SV2C: variants seen among roughly 807,000 people sequenced by gnomAD.
The protein encoded by SV2C is solute carrier family 22 member B3.
SV2C carries 49 observed loss-of-function variants against 79.7 expected under a neutral mutation model. The ratio of observed to expected loss-of-function variants is 0.61; its 90% CI spans 0.49 to 0.78. The LOEUF (loss-of-function observed/expected upper bound fraction) is 0.78. Among genes scored for constraint, SV2C ranks in the 30% least tolerant of loss-of-function variants. The pLI is 0.00. For synonymous variants in SV2C, 334 were observed against 333.2 expected (o/e 1.00, Z -0.03); for missense variants, 833 against 912.9 (o/e 0.91, Z 1.13).
intron 1 of SV2C, among the ~76,000 whole-genome samples, chr5:76,090,024 C>T (rs532685144): frequency 8.5e-5 from 13 of 152,190 alleles, no homozygotes; most frequent in African/African-American, 3.1e-4. Context: ...TATAAAATTC[C>T]ACTTTGTTTT....
the SV2C span, among the ~76,000 whole-genome samples, chr5:75,900,956 C>T: frequency 6.6e-6 from 1 of 152,204 alleles, no homozygotes; most frequent in Non-Finnish European, 1.5e-5. Context: ...AAGCACTTTT[C>T]TGTATTGGTT....
the SV2C span, among the ~76,000 whole-genome samples, chr5:75,869,455 C>T: frequency 6.6e-6 from 1 of 152,176 alleles, no homozygotes; most frequent in Non-Finnish European, 1.5e-5. Context: ...GGAAGGACTG[C>T]ATCTTGTGGT....
chr5:76,103,870 G>A (rs1747820214), intron 1 of SV2C, among the ~76,000 whole-genome samples: 1 of 152,116 alleles, frequency 6.6e-6, no homozygotes, highest in South Asian at 2.1e-4. Context: ...ATTTTATGAG[G>A]ACAGTGTTAC....
At chr5:76,201,838 G>T (rs1388345833) in intron 3 of SV2C, among the ~76,000 whole-genome samples, 1 of 151,932 alleles carries the variant, frequency 6.6e-6, no homozygotes, top group Non-Finnish European at 1.5e-5. Flanking sequence ...CTAACATGGT[G>T]AAACCCCGTC....
chr5:76,077,715 A>G, the SV2C span, among the ~76,000 whole-genome samples: 1 of 152,186 alleles, frequency 6.6e-6, no homozygotes, highest in Non-Finnish European at 1.5e-5. Context: ...TCCTTGGGGC[A>G]TTTGGTCAAG....
At chr5:76,335,521 A>C (rs1439479082), downstream of SV2C, among the ~76,000 whole-genome samples, 1 of 150,934 alleles carries the variant, frequency 6.6e-6, no homozygotes, top group Non-Finnish European at 1.5e-5. Context: ...TCAGCAGATA[A>C]ACAAGTGAAC....
the SV2C span, among the ~76,000 whole-genome samples, chr5:76,005,605 C>T: frequency 1.3e-5 from 2 of 152,172 alleles, no homozygotes; most frequent in African/African-American, 4.8e-5. Flanking sequence ...GGATATGTGG[C>T]TGTAGCGGAA....
the SV2C span, among the ~76,000 whole-genome samples, chr5:75,937,665 C>T: frequency 1.6e-4 from 25 of 152,172 alleles, no homozygotes; most frequent in African/African-American, 5.8e-4. Context: ...GCTGTGATAA[C>T]GTCACCACAC....
At chr5:76,249,519 A>G (rs192827375) in intron 4 of SV2C, among the ~76,000 whole-genome samples, 198 of 152,342 alleles carry the variant, frequency 1.3e-3, no homozygotes, top group Non-Finnish European at 1.8e-3. Context: ...TTTAAAGCCA[A>G]TTTGGGTAGC....
chr5:76,211,043 G>A (rs1429169121), intron 4 of SV2C, among the ~76,000 whole-genome samples: 1 of 152,118 alleles, frequency 6.6e-6, no homozygotes, highest in Admixed American at 6.5e-5. Context: ...CAGCATATAA[G>A]ACAACATGAC....
At chr5:75,872,988 A>C in the SV2C span, among the ~76,000 whole-genome samples, 2 of 152,188 alleles carry the variant, frequency 1.3e-5, no homozygotes, top group Non-Finnish European at 2.9e-5. Context: ...AGACATACAT[A>C]ACATCTCTAG....
At chr5:75,893,970 C>A in the SV2C span, among the ~76,000 whole-genome samples, 1 of 151,950 alleles carries the variant, frequency 6.6e-6, no homozygotes, top group African/African-American at 2.4e-5. Flanking sequence ...GGAGATGAAG[C>A]CAGCAAGGTA....
At chr5:76,174,365 A>G (rs914343613) in intron 2 of SV2C, among the ~76,000 whole-genome samples, 1 of 152,202 alleles carries the variant, frequency 6.6e-6, no homozygotes, top group Non-Finnish European at 1.5e-5. Flanking sequence ...TCTCAATCCT[A>G]TTTTATGAAA....
the SV2C span, among the ~76,000 whole-genome samples, chr5:75,950,453 T>A: frequency 6.6e-6 from 1 of 152,070 alleles, no homozygotes; most frequent in Non-Finnish European, 1.5e-5. Context: ...GTAATATGAC[T>A]AATTTTTAAC....
intron 1 of SV2C, among the ~76,000 whole-genome samples, chr5:76,097,575 T>A (rs1747606229): frequency 6.6e-6 from 1 of 152,228 alleles, no homozygotes; most frequent in Non-Finnish European, 1.5e-5. Flanking sequence ...AATTTGTTAT[T>A]ATTTCTTCTA....
the SV2C span, among the ~76,000 whole-genome samples, chr5:75,875,717 C>A: frequency 2.6e-5 from 4 of 151,966 alleles, no homozygotes; most frequent in African/African-American, 4.8e-5. Context: ...TGAGCTTAAA[C>A]AAATTTACAA....
intron 4 of SV2C, among the ~76,000 whole-genome samples, chr5:76,213,611 G>A (rs996777393): frequency 6.6e-6 from 1 of 151,960 alleles, no homozygotes; most frequent in Non-Finnish European, 1.5e-5. Context: ...GCTTTATTGA[G>A]GTATGACTGA....
At chr5:76,010,760 G>A in the SV2C span, among the ~76,000 whole-genome samples, 1 of 152,156 alleles carries the variant, frequency 6.6e-6, no homozygotes, top group Admixed American at 6.6e-5. Flanking sequence ...CAGGCAGTAT[G>A]TATTAAGTCT....
chr5:76,035,666 G>A, the SV2C span, among the ~76,000 whole-genome samples: 1 of 152,126 alleles, frequency 6.6e-6, no homozygotes, highest in Non-Finnish European at 1.5e-5. Flanking sequence ...TTACTTCCAA[G>A]TATGTGGTCA....
Sources: gnomAD v4.1 joint callset for allele counts (sites outside exome capture counted in the v4.1 genomes callset) on GRCh38, gnomAD v4.1.1 for gene constraint, MANE v1.5 for transcripts, NCBI Gene and HGNC (gene_info 2026-07-23, HGNC 2026-07-21) for gene names.